The following RNF144A variants were observed in gnomAD, a reference collection of about 807,000 sequenced individuals.
RNF144A encodes the protein ring finger protein 144A, also known as E3 ubiquitin-protein ligase RNF144A.
Under a neutral mutation model 38.7 loss-of-function variants are expected in RNF144A, and 11 were observed. The observed-to-expected ratio is 0.28, with a 90% CI of 0.18 to 0.47. The LOEUF is 0.47. Ranked by LOEUF, RNF144A falls within the 20% of genes least tolerant of loss-of-function variation. RNF144A has a pLI of 0.99. For synonymous variants in RNF144A, 149 were observed against 143.9 expected, an observed-to-expected ratio of 1.04 and a Z score of -0.25; for missense variants, 316 against 377.2, an observed-to-expected ratio of 0.84 and a Z score of 1.34.
Position 6,944,254 on chromosome 2 carries a change from G to C in RNF144A, c.-12+3107G>C, listed in dbSNP as rs2103303027. ...CCTGCAGTGGCACAGGCAGTGATCT[G>C]AGGTGGTGTGAGGAACCCGGAATGT... On this transcript the variant is annotated intron_variant, in intron 2 of 8. Transcript: ENST00000320892. The surrounding 1 kb of genome is among the most constrained non-coding windows in gnomAD (Gnocchi z 4.7). Among the ~76,000 whole-genome samples, 1 of 152,282 alleles carries C rather than the reference G, an allele frequency of 6.6e-6. No homozygotes were observed. Among genetic ancestry groups the C allele is most frequent in the South Asian group, 2.1e-4 (1 of 4,828 alleles).
chr2:6,933,695 T>C (rs1462112981), intron 1 of RNF144A, among the ~76,000 whole-genome samples: 3 of 141,942 alleles, frequency 2.1e-5, no homozygotes, highest in Non-Finnish European at 4.7e-5. Flanking sequence ...ATTTTAATTC[T>C]TCTAGAAAAA....
chr2:7,002,003 A>C (rs1475630448), intron 3 of RNF144A, among the ~76,000 whole-genome samples: 1 of 152,242 alleles, frequency 6.6e-6, no homozygotes, highest in African/African-American at 2.4e-5. Flanking sequence ...GGTGATAAGT[A>C]ATACGATATT....
At chr2:7,046,946 A>G (rs1673331465), downstream of RNF144A, among the ~76,000 whole-genome samples, 2 of 152,184 alleles carry the variant, frequency 1.3e-5, no homozygotes, top group African/African-American at 4.8e-5. Flanking sequence ...TGTGTTTTTT[A>G]CTGCACAAGA....
chr2:6,997,128 G>C, intron 3 of RNF144A, 67 bp downstream of exon 3: 2 of 1,510,594 alleles, frequency 1.3e-6, no homozygotes, highest in Non-Finnish European at 1.8e-6. Flanking sequence ...TTCATTTGCA[G>C]AGACACTAGG....
intron 1 of RNF144A, among the ~76,000 whole-genome samples, chr2:6,929,313 C>A (rs1414883610): frequency 6.6e-6 from 1 of 152,140 alleles, no homozygotes; most frequent in Non-Finnish European, 1.5e-5. Context: ...TATCTCTTCC[C>A]AGCTCTCCTT....
At chr2:7,032,273 G>GCCCCTTGCAGCTCTGCTGGAATCCGCA (rs1572446391) in intron 8 of RNF144A, among the ~76,000 whole-genome samples, 1 of 148,438 alleles carries the variant, frequency 6.7e-6, no homozygotes, top group Non-Finnish European at 1.5e-5. Context: ...TGGAATCCGC[G>GCCCCTTGCAGCTCTGCTGGAATCCGCA]CCCCTTGCAG....
At chr2:6,957,915 GT>G (rs542688813) in intron 2 of RNF144A, among the ~76,000 whole-genome samples, 176 of 152,334 alleles carry the variant, frequency 1.2e-3, no homozygotes, top group African/African-American at 3.9e-3. Flanking sequence ...CAACATGTCT[GT>G]TTTTTAGCAG....
intron 2 of RNF144A, among the ~76,000 whole-genome samples, chr2:6,982,188 A>G (rs535371460): frequency 6.6e-6 from 1 of 152,248 alleles, no homozygotes; most frequent in Admixed American, 6.5e-5. Context: ...GCCAAATCTT[A>G]TCATTGACTT....
intron 5 of RNF144A, among the ~76,000 whole-genome samples, chr2:7,017,500 T>C (rs1432447039): frequency 6.6e-6 from 1 of 152,184 alleles, no homozygotes; most frequent in Non-Finnish European, 1.5e-5. Context: ...AGTGCAGGGA[T>C]GAGAGGGGAT....
intron 8 of RNF144A, among the ~76,000 whole-genome samples, chr2:7,033,550 T>C (rs1387050995): frequency 7.2e-5 from 11 of 152,208 alleles, no homozygotes; most frequent in Admixed American, 7.2e-4. Flanking sequence ...TGCTGCCAGC[T>C]TGGTCTTCAT....
intron 3 of RNF144A, 112 bp downstream of exon 3, chr2:6,997,173 G>A (rs1669803972): frequency 1.9e-6 from 2 of 1,042,590 alleles, no homozygotes; most frequent in Non-Finnish European, 2.9e-6. Flanking sequence ...TGACAGTGGA[G>A]TCTTCTTGTT....
chr2:7,001,212 A>G (rs1670080411), intron 3 of RNF144A, among the ~76,000 whole-genome samples: 1 of 152,026 alleles, frequency 6.6e-6, no homozygotes, highest in Admixed American at 6.5e-5. Flanking sequence ...AGGCAGGAGA[A>G]TCACTTGAAC....
intron 2 of RNF144A, among the ~76,000 whole-genome samples, chr2:6,972,188 CCTCTT>C: frequency 6.6e-6 from 1 of 152,292 alleles, no homozygotes; most frequent in South Asian, 2.1e-4. Context: ...TGGTCTGCCT[CCTCTT>C]CTTTCCCTCC....
chr2:6,927,035 T>A (rs1664920408), intron 1 of RNF144A, among the ~76,000 whole-genome samples: 2 of 152,280 alleles, frequency 1.3e-5, no homozygotes, highest in South Asian at 4.1e-4. Flanking sequence ...TTGAGTCCAG[T>A]TTCACTGTAG....
rs958694874 is a variant in RNF144A, at chr2:7,040,190, A to T, written c.*430A>T. ...CTGATTATTCCAGCTTGAGAGAAGC[A>T]CTCTGTTTATGACAACTGTTTTTAT... is the stretch of plus-strand genomic sequence containing the variant. On this transcript the variant is annotated 3_prime_UTR_variant, in exon 9 of 9. Transcript: ENST00000320892. The T allele has an allele frequency of 2.0e-6, 2 of 989,416 alleles. No individual in the cohort carries two copies. Among genetic ancestry groups the T allele is most frequent in the South Asian group, 9.3e-5 (2 of 21,426 alleles). 61.3% of individuals were successfully genotyped at this position (989,416 alleles called of 1,614,324 possible).
intron 2 of RNF144A, among the ~76,000 whole-genome samples, chr2:6,974,901 A>C (rs1464597009): frequency 1.3e-5 from 2 of 152,234 alleles, no homozygotes; most frequent in Non-Finnish European, 2.9e-5. Context: ...TACATTTCCT[A>C]ACCTTCTTTG....
At chr2:7,004,448 T>A (rs1430184204) in intron 3 of RNF144A, among the ~76,000 whole-genome samples, 1 of 152,108 alleles carries the variant, frequency 6.6e-6, no homozygotes, top group African/African-American at 2.4e-5. Flanking sequence ...TGGCTTAGAG[T>A]CTGGCCCGAC....
rs780580222 is a variant in RNF144A at position 7,040,903 on chromosome 2, C to T, written c.*1143C>T. Reference sequence around the variant, plus strand: ...GGGAAAAGAACCTCCCATTTCACTTCGTTTTAACGTGGGGATTTTACCACT... The same window carrying T: ...GGGAAAAGAACCTCCCATTTCACTTTGTTTTAACGTGGGGATTTTACCACT... On this transcript the variant is annotated 3_prime_UTR_variant, in exon 9 of 9. Transcript: ENST00000320892. 4 of 985,332 alleles carry T rather than the reference C, an allele frequency of 4.1e-6. No homozygotes were observed. Among genetic ancestry groups the T allele is most frequent in the South Asian group, 9.4e-5 (2 of 21,292 alleles). The allele number at this position is 985,332 out of a possible 1,614,324, so 61.0% of individuals were successfully genotyped here. A position where few individuals can be genotyped will look rare whatever the true frequency, so the allele number is the denominator to read the frequency against.
chr2:7,044,480 A>G (rs372446070), downstream of RNF144A, among the ~76,000 whole-genome samples: 19 of 152,174 alleles, frequency 1.2e-4, no homozygotes, highest in Admixed American at 3.3e-4. Context: ...GTGGTGCCCA[A>G]CCGGTACTGC....
Sources: gnomAD v4.1 joint callset for allele counts (sites outside exome capture counted in the v4.1 genomes callset) on GRCh38, gnomAD v4.1.1 for gene constraint, Gnocchi (gnomAD v3.1) non-coding constraint, MANE v1.5 for transcripts, NCBI Gene and HGNC (gene_info 2026-07-23, HGNC 2026-07-21) for gene names.